The following ATP11A variants were observed in gnomAD, a reference collection of about 807,000 sequenced individuals.
The protein encoded by ATP11A is ATPase phospholipid transporting 11A.
In ATP11A, 81 loss-of-function variants were observed where a neutral mutation model predicts 154.4. The observed-to-expected ratio is 0.52, with a 90% CI of 0.44 to 0.63. The LOEUF (loss-of-function observed/expected upper bound fraction) is 0.63. ATP11A is among the 30% of genes least tolerant of loss of function. The pLI is 0.00. For synonymous variants in ATP11A, 623 were observed against 585.9 expected (o/e 1.06, Z -0.91); for missense variants, 1,316 against 1,474.3 (o/e 0.89, Z 1.76).
chr13:112,860,481 T>G (rs931314569), intron 24 of ATP11A, 67 bp downstream of exon 24: 1 of 1,589,428 alleles, frequency 6.3e-7, no homozygotes. Context: ...TGGCAGTTCC[T>G]TCCAATAGCC....
At chr13:112,878,383 T>G in intron 29 of ATP11A, 80 bp downstream of exon 29, 1 of 1,484,562 alleles carries the variant, frequency 6.7e-7, no homozygotes, top group Non-Finnish European at 9.3e-7. Context: ...GAGCCCTGAG[T>G]CCACGTGCTC....
intron 1 of ATP11A, among the ~76,000 whole-genome samples, chr13:112,752,637 T>A (rs1421650136): frequency 6.6e-6 from 1 of 152,252 alleles, no homozygotes; most frequent in African/African-American, 2.4e-5. Context: ...TGAGAGTTGT[T>A]CTGACCATAC....
rs150685941 is a variant in ATP11A at position 112,702,465 on chromosome 13, G to A, written c.39+12010G>A. ...GCAGAGCCTCGGAAGGCGTGCACAC[G>A]GGGGGTGCGTGATGGTGTCTCCCTC... On this transcript the variant is annotated intron_variant, in intron 1 of 29. Transcript: ENST00000375645. 2.1e-3 allele frequency among the ~76,000 whole-genome samples: 325 copies of A among 152,270 alleles called. 2 individuals are homozygous for A. In the East Asian group the frequency reaches 0.034, roughly 16 times the overall value.
chr13:112,734,709 A>G (rs1424250446), intron 1 of ATP11A, among the ~76,000 whole-genome samples: 1 of 152,180 alleles, frequency 6.6e-6, no homozygotes, highest in African/African-American at 2.4e-5. Context: ...TTTCAGTGAT[A>G]CTGTTTTTCT....
chr13:112,858,336 G>T (rs73571017), intron 22 of ATP11A, 46 bp downstream of exon 22: 13 of 1,561,114 alleles, frequency 8.3e-6, no homozygotes, highest in African/African-American at 1.4e-5. Flanking sequence ...AACAGGTCAC[G>T]CACAGGGTGG....
At position 112,831,511 on chromosome 13, in the gene ATP11A, TCG is replaced by T; in HGVS notation, c.1359_1360del (p.Asp454HisfsTer3). On this transcript the variant is annotated frameshift_variant, in exon 13 of 30. Coordinates refer to ENST00000375645, the MANE Select transcript of ATP11A (RefSeq NM_015205.3). LOFTEE classifies it high-confidence loss of function. ...CAGGTCCTCCCAGAGTCGTCAGGAA[TCG>T]ACATGATTGACTCGTCCCCCAGCGT... 1 of 1,614,108 alleles carries T rather than the reference TCG, an allele frequency of 6.2e-7. No homozygotes were observed. The highest frequency in any genetic ancestry group is 8.5e-7 in the Non-Finnish European group (1 of 1,180,000).
Position 112,882,239 on chromosome 13 carries a change from A to T in ATP11A, c.*373A>T. ...GGGCATTCGGCTCAACGCAGGAGGG[A>T]CATTCTGCTGGCCCACCCTGCGCGC... is the stretch of plus-strand genomic sequence containing the variant. On this transcript the variant is annotated 3_prime_UTR_variant, in exon 30 of 30. Coordinates refer to ENST00000375645, the MANE Select transcript of ATP11A (RefSeq NM_015205.3). This position sits in a 1 kb window ranked among gnomAD's most constrained non-coding sequence, Gnocchi z 5.1. 1 of 779,010 alleles carries T rather than the reference A, an allele frequency of 1.3e-6. No individual in the cohort carries two copies. Among genetic ancestry groups the T allele is most frequent in the Non-Finnish European group, 1.8e-6 (1 of 549,738 alleles). 48.3% of individuals were successfully genotyped at this position (779,010 alleles called of 1,614,324 possible).
intron 8 of ATP11A, among the ~76,000 whole-genome samples, chr13:112,820,778 A>G (rs980076492): frequency 6.6e-6 from 1 of 152,170 alleles, no homozygotes; most frequent in African/African-American, 2.4e-5. Flanking sequence ...TAGGGAAATG[A>G]TTTTTCTTCC....
chr13:112,765,906 A>G (rs1005188769), intron 1 of ATP11A, among the ~76,000 whole-genome samples: 8 of 152,268 alleles, frequency 5.3e-5, no homozygotes, highest in African/African-American at 9.6e-5. Context: ...CGTAACCGCC[A>G]GGGTCCTCCC....
intron 11 of ATP11A, 78 bp from the exon 12 acceptor site, chr13:112,826,616 T>C (rs1020326078): frequency 1.8e-6 from 2 of 1,142,532 alleles, no homozygotes; most frequent in Non-Finnish European, 2.7e-6. Context: ...TGCCTAAGCC[T>C]GAGGTGTTAG....
chr13:112,780,387 G>A (rs772152639), intron 1 of ATP11A, among the ~76,000 whole-genome samples: 3 of 152,014 alleles, frequency 2.0e-5, no homozygotes, highest in Non-Finnish European at 2.9e-5. Flanking sequence ...GGCAGCCCCC[G>A]TCTCTGCGTT....
intron 6 of ATP11A, among the ~76,000 whole-genome samples, 197 bp downstream of exon 6, chr13:112,816,408 A>G (rs2078647208): frequency 1.3e-5 from 2 of 152,196 alleles, no homozygotes; most frequent in African/African-American, 4.8e-5. Flanking sequence ...TTTTAAAAAT[A>G]AATTGTATTG....
intron 1 of ATP11A, among the ~76,000 whole-genome samples, chr13:112,694,799 C>T (rs1001459981): frequency 6.6e-6 from 1 of 152,106 alleles, no homozygotes; most frequent in African/African-American, 2.4e-5. Context: ...GAAGGATTTC[C>T]TTGCTGACAG....
At chr13:112,803,651 A>G (rs2078197136) in intron 2 of ATP11A, among the ~76,000 whole-genome samples, 2 of 150,930 alleles carry the variant, frequency 1.3e-5, no homozygotes. Flanking sequence ...AAGTGTGGAG[A>G]GGAGATGCTG....
At chr13:112,783,251 G>A (rs2077541795) in intron 1 of ATP11A, among the ~76,000 whole-genome samples, 2 of 152,242 alleles carry the variant, frequency 1.3e-5, no homozygotes, top group South Asian at 4.2e-4. Context: ...AGAGCACCAC[G>A]CAGACAGGGA....
chr13:112,723,850 C>T (rs796759550), intron 1 of ATP11A, among the ~76,000 whole-genome samples: 26 of 152,252 alleles, frequency 1.7e-4, no homozygotes, highest in African/African-American at 6.0e-4. Context: ...CCAAAGTGTG[C>T]ATATCTGGTC....
chr13:112,707,231 C>T (rs976759852), intron 1 of ATP11A, among the ~76,000 whole-genome samples: 1 of 152,064 alleles, frequency 6.6e-6, no homozygotes, highest in Non-Finnish European at 1.5e-5. Context: ...GCCTGGCCAA[C>T]ATGGTGAAAC....
intron 17 of ATP11A, among the ~76,000 whole-genome samples, chr13:112,845,688 C>T (rs7322758): frequency 3.9e-4 from 49 of 124,096 alleles, no homozygotes; most frequent in African/African-American, 1.8e-3. Flanking sequence ...GCGGTACTAA[C>T]CAGTCCAGTT....
At position 112,756,873 on chromosome 13, in the gene ATP11A, TCTGCTCCCAGCACGGGGC is replaced by T. The variant is rs1349733967; in HGVS notation, c.40-28250_40-28233del. On this transcript the variant is annotated intron_variant, in intron 1 of 29. Transcript: ENST00000375645. ...CGCGGGGTCTGCTCCCAGCACGTGGTCTGCTCCCAGCACGGGGCCTGCTCCCAGCGCGGGGCCTGCTCC... is the reference window on the plus strand; with the variant it reads ...CGCGGGGTCTGCTCCCAGCACGTGGTCTGCTCCCAGCGCGGGGCCTGCTCC... Among the ~76,000 whole-genome samples the T allele has an allele frequency of 1.0e-3, 126 of 123,308 alleles. 1 individual carries two copies. Among genetic ancestry groups the T allele is most frequent in the Admixed American group, 2.0e-3 (26 of 13,058 alleles). The allele number at this position is 123,308 out of a possible 152,430, so 80.9% of individuals were successfully genotyped here.
Sources: allele counts gnomAD v4.1 joint callset (sites outside exome capture counted in the v4.1 genomes callset), GRCh38; gene constraint gnomAD v4.1.1; non-coding constraint Gnocchi (gnomAD v3.1); transcripts MANE v1.5; gene names NCBI Gene and HGNC (gene_info 2026-07-23, HGNC 2026-07-21).